Variants in ASAP1 observed in about 807,000 individuals in gnomAD.
The protein encoded by ASAP1 is ArfGAP with SH3 domain, ankyrin repeat and PH domain 1.
In ASAP1, 43 loss-of-function variants were observed where a neutral mutation model predicts 145.2. The ratio of observed to expected loss-of-function variants is 0.30; its 90% CI spans 0.23 to 0.38. The LOEUF is 0.38. Ranked by LOEUF, ASAP1 falls within the 10% of genes least tolerant of loss-of-function variation. The pLI is 1.00. For synonymous variants in ASAP1, 546 were observed against 515.5 expected (o/e 1.06, Z -0.80); for missense variants, 1,018 against 1,355.3 (o/e 0.75, Z 3.91).
intron 3 of ASAP1, among the ~76,000 whole-genome samples, chr8:130,319,667 T>C (rs1280501854): frequency 2.0e-5 from 3 of 152,162 alleles, no homozygotes; most frequent in Non-Finnish European, 4.4e-5. Flanking sequence ...TGAGATCCCT[T>C]CCTGGGAATC....
chr8:130,269,059 T>C (rs1009483125), intron 3 of ASAP1, among the ~76,000 whole-genome samples: 3 of 152,214 alleles, frequency 2.0e-5, no homozygotes, highest in Admixed American at 6.5e-5. Flanking sequence ...TAAGGCATTA[T>C]CAGTCCAATA....
chr8:130,102,906 G>T (rs1477502687), intron 24 of ASAP1, among the ~76,000 whole-genome samples: 2 of 152,256 alleles, frequency 1.3e-5, no homozygotes, highest in East Asian at 3.9e-4. Context: ...GCCCAGATTG[G>T]TCTCAAACTT....
chr8:130,348,651 T>C (rs1338354918), intron 3 of ASAP1, among the ~76,000 whole-genome samples: 1 of 152,174 alleles, frequency 6.6e-6, no homozygotes, highest in African/African-American at 2.4e-5. Flanking sequence ...TTACTGACAC[T>C]GAAAACAAGC....
At chr8:130,143,145 T>C (rs574628341) in intron 13 of ASAP1, among the ~76,000 whole-genome samples, 1 of 152,340 alleles carries the variant, frequency 6.6e-6, no homozygotes, top group South Asian at 2.1e-4. Context: ...GAGCAGCATC[T>C]CTTTCAAAAG....
At chr8:130,323,695 T>C (rs555357359) in intron 3 of ASAP1, among the ~76,000 whole-genome samples, 1 of 152,286 alleles carries the variant, frequency 6.6e-6, no homozygotes, top group South Asian at 2.1e-4. Flanking sequence ...CAGACATCAC[T>C]TGCAAAGAAT....
chr8:130,134,387 AG>A, intron 14 of ASAP1, 43 bp from the exon 15 acceptor site: 1 of 1,354,530 alleles, frequency 7.4e-7, no homozygotes. Context: ...CTTAGAAAGC[AG>A]GGTACTTTCA....
At chr8:130,091,858 A>C in intron 25 of ASAP1, 115 bp downstream of exon 25, 1 of 1,157,362 alleles carries the variant, frequency 8.6e-7, no homozygotes, top group Non-Finnish European at 1.2e-6. Flanking sequence ...GTCAGCACCC[A>C]GCATGTGTGT....
At chr8:130,253,585 G>C (rs1165618175) in intron 3 of ASAP1, among the ~76,000 whole-genome samples, 2 of 152,152 alleles carry the variant, frequency 1.3e-5, no homozygotes, top group Non-Finnish European at 2.9e-5. Flanking sequence ...ACACAAGTCG[G>C]TCTACTGTGG....
intron 3 of ASAP1, among the ~76,000 whole-genome samples, chr8:130,312,233 C>T (rs968315458): frequency 2.8e-4 from 43 of 150,946 alleles, no homozygotes; most frequent in South Asian, 8.4e-4. Flanking sequence ...GCTGTGATCA[C>T]GCCACTGCCC....
chr8:130,262,257 C>T lies in ASAP1; in HGVS notation c.187-25263G>A, dbSNP rs899711032. Among the ~76,000 whole-genome samples, 7 of 151,272 alleles carry T rather than the reference C, an allele frequency of 4.6e-5. No individual in the cohort carries two copies. In the South Asian group the frequency reaches 1.3e-3, roughly 27 times the overall value. ...TAAAAATACAAAAACTAGCCGGGCA[C>T]GGTGGCAGGAGCCTGTAATCCCAGC... On this transcript the variant is annotated intron_variant, in intron 3 of 29. Coordinates refer to ENST00000518721, the MANE Select transcript of ASAP1 (RefSeq NM_018482.4).
rs763780492 is a variant in ASAP1 at position 130,060,587 on chromosome 8, T to C, written c.3184A>G (p.Ile1062Val). The C allele has an allele frequency of 2.5e-6, 4 of 1,609,644 alleles. No individual in the cohort carries two copies. The East Asian group carries it at 6.7e-5, about 27-fold the overall frequency. ...AACATTGTCCCACCCACCGTATTGA[T>C]TTTTCTGGGCAGTGGTACGGGCGTC... ...PETPVPLPRK[I>V]NTGKNKVRRV... Residue 1062 changes from isoleucine (I) to valine (V), a missense_variant, in exon 28 of 30, where the codon ATC becomes GTC. By Grantham distance (29) the Ile-to-Val change is conservative. Coordinates refer to ENST00000518721, the MANE Select transcript of ASAP1 (RefSeq NM_018482.4).
chr8:130,161,764 CAAAATTCTCCCT>C lies in ASAP1; in HGVS notation c.910-1812_910-1801del, dbSNP rs375605178. 3.0e-3 allele frequency among the ~76,000 whole-genome samples: 463 copies of C among 152,202 alleles called. 1 individual carries two copies. Among genetic ancestry groups the C allele is most frequent in the African/African-American group, 0.011 (448 of 41,506 alleles). ...TGGACTTGAATCTAGGATTTTCTTG[CAAAATTCTCCCT>C]AAATATTTCCTTTTAAAAAATACAT... is the stretch of plus-strand genomic sequence containing the variant. On this transcript the variant is annotated intron_variant, in intron 11 of 29. Transcript: ENST00000518721.
At chr8:130,247,898 C>T (rs574448694) in intron 3 of ASAP1, among the ~76,000 whole-genome samples, 15 of 152,260 alleles carry the variant, frequency 9.9e-5, no homozygotes, top group South Asian at 2.1e-4. Flanking sequence ...TAAAACTGAT[C>T]GCTGGCATGT....
At chr8:130,284,886 TGAGA>T (rs112517433) in intron 3 of ASAP1, among the ~76,000 whole-genome samples, 27,041 of 124,260 alleles carry the variant, frequency 0.22, 2,988 homozygotes, top group East Asian at 0.44. Context: ...CACACCATAC[TGAGA>T]GAGAGAGAGA....
chr8:130,436,714 A>G (rs2138818415), intron 1 of ASAP1, among the ~76,000 whole-genome samples: 1 of 152,306 alleles, frequency 6.6e-6, no homozygotes, highest in East Asian at 1.9e-4. Flanking sequence ...AGGCAGGAAG[A>G]TCACTTGAGC....
At chr8:130,276,705 C>CAT (rs1820906667) in intron 3 of ASAP1, among the ~76,000 whole-genome samples, 2 of 125,702 alleles carry the variant, frequency 1.6e-5, no homozygotes, top group African/African-American at 6.0e-5. Context: ...CACACACACA[C>CAT]ACACACACAC....
At chr8:130,136,146 T>G (rs2097594133) in intron 14 of ASAP1, among the ~76,000 whole-genome samples, 1 of 152,164 alleles carries the variant, frequency 6.6e-6, no homozygotes, top group Admixed American at 6.5e-5. Context: ...TCATCCTCTC[T>G]TTACAAAGAG....
At chr8:130,189,401 G>A (rs1814978173) in intron 5 of ASAP1, among the ~76,000 whole-genome samples, 1 of 151,974 alleles carries the variant, frequency 6.6e-6, no homozygotes, top group Non-Finnish European at 1.5e-5. Flanking sequence ...TCCCACATGA[G>A]ACAGAACATG....
intron 24 of ASAP1, among the ~76,000 whole-genome samples, chr8:130,107,200 T>TTTTG (rs2097538368): frequency 6.7e-6 from 1 of 148,500 alleles, no homozygotes; most frequent in African/African-American, 2.5e-5. Context: ...TTTTTTTTTT[T>TTTTG]GAGACGGAGT....
Sources: allele counts gnomAD v4.1 joint callset (sites outside exome capture counted in the v4.1 genomes callset), GRCh38; gene constraint gnomAD v4.1.1; transcripts MANE v1.5; gene names NCBI Gene and HGNC (gene_info 2026-07-23, HGNC 2026-07-21).